Variants in ANKLE2 observed in about 807,000 individuals in gnomAD.
The protein encoded by ANKLE2 is ankyrin repeat and LEM domain-containing protein 2.
In ANKLE2, 55 loss-of-function variants were observed where a neutral mutation model predicts 84.2. That is an observed-to-expected ratio of 0.65 (90% CI 0.53 to 0.82). The LOEUF (loss-of-function observed/expected upper bound fraction) is 0.82. Among genes scored for constraint, ANKLE2 ranks in the 40% least tolerant of loss-of-function variants. The pLI is 0.00. For missense variants in ANKLE2, 1,238 were observed against 1,201.9 expected, an observed-to-expected ratio of 1.03 and a Z score of -0.44; for synonymous variants, 551 against 486.1, an observed-to-expected ratio of 1.13 and a Z score of -1.76.
Position 132,750,867 on chromosome 12 carries a change from C to G in ANKLE2, c.641-18G>C, listed in dbSNP as rs761689972. 6.2e-7 allele frequency: 1 copy of G among 1,609,838 alleles called. No homozygotes were observed. Among genetic ancestry groups the G allele is most frequent in the Non-Finnish European group, 8.5e-7 (1 of 1,177,280 alleles). On this transcript the variant is annotated intron_variant, in intron 2 of 12. Transcript: ENST00000357997. Reference sequence around the variant, plus strand: ...GATCCTTTCTGGGTAAGAAAAGTAACAAATGAAAATCAGAGAAGAGTGACT... The same window carrying G: ...GATCCTTTCTGGGTAAGAAAAGTAAGAAATGAAAATCAGAGAAGAGTGACT...
In ANKLE2 at chr12:132,730,033, G is replaced by A; in HGVS notation, c.2129C>T (p.Thr710Ile). The A allele has an allele frequency of 1.2e-6, 2 of 1,613,204 alleles. No homozygotes were observed. Among genetic ancestry groups the A allele is most frequent in the African/African-American group, 2.7e-5 (2 of 75,014 alleles). The change falls in exon 11 of 13, where the codon ACC becomes ATC. Residue 710 changes from threonine (T) to isoleucine (I), a missense_variant. By Grantham distance (89) the Thr-to-Ile change is moderately conservative (BLOSUM62 -1). Transcript: ENST00000357997. Reference protein sequence around the residue: ...GLCHPLNHSRTLAGKRPKAPR... With the variant: ...GLCHPLNHSRILAGKRPKAPR... ...GGCCTTTGGTCTCTTGCCCGCCAGG[G>A]TCCTGCTGTGATTCAGAGGATGGCA...
chr12:132,754,766 G>C lies in ANKLE2; in HGVS notation c.549C>G (p.Thr183=), dbSNP rs562657982. ...CAGTCGCTCCAGCTCTGTAGGTGTC[G>C]GTGTCACTAGGGGGCACCGAGCAGG... ...SKTCSVPPSD[T]DTYRAGATAS... is the part of the protein sequence containing the mutation. The change falls in exon 2 of 13, where the codon ACC becomes ACG. Residue 183 remains threonine (T), a synonymous_variant. Coordinates refer to ENST00000357997, the MANE Select transcript of ANKLE2 (RefSeq NM_015114.3). 1 of 1,613,984 alleles carries C rather than the reference G, an allele frequency of 6.2e-7. No individual in the cohort carries two copies. The highest frequency in any genetic ancestry group is 1.3e-5 in the African/African-American group (1 of 74,894).
rs1193756243 is a variant in ANKLE2, at chr12:132,754,661, C to G, written c.640+14G>C. 15 of 1,585,060 alleles carry G rather than the reference C, an allele frequency of 9.5e-6. No individual in the cohort carries two copies. Among genetic ancestry groups the G allele is most frequent in the Middle Eastern group, 3.6e-4 (2 of 5,494 alleles). On this transcript the variant is annotated intron_variant, in intron 2 of 12. Transcript: ENST00000357997. Reference sequence around the variant, plus strand: ...GCTATCTGTGTGAGGAAATCCTACACACGGTCCCATTACCATTTCTCGCTG... The same window carrying G: ...GCTATCTGTGTGAGGAAATCCTACAGACGGTCCCATTACCATTTCTCGCTG...
At chr12:132,751,159 T>TAA (rs141498622) in intron 2 of ANKLE2, 1,098 of 186,260 alleles carry the variant, frequency 5.9e-3, no homozygotes, top group Middle Eastern at 0.01. Flanking sequence ...AAAGGCAAAT[T>TAA]AAAAAAAAAA....
At chr12:132,746,134 G>A (rs1056521072) in intron 5 of ANKLE2, among the ~76,000 whole-genome samples, 1 of 152,148 alleles carries the variant, frequency 6.6e-6, no homozygotes, top group Non-Finnish European at 1.5e-5. Flanking sequence ...CGATCACGAG[G>A]TCAGGAGATG....
In ANKLE2 at chr12:132,726,089, A is replaced by G. The variant is rs961222489; in HGVS notation, c.*1153T>C. The G allele has an allele frequency of 2.0e-5, 3 of 152,394 alleles. No individual in the cohort carries two copies. The highest frequency in any genetic ancestry group is 7.2e-5 in the African/African-American group (3 of 41,476). The allele number at this position is 152,394 out of a possible 1,614,324, so 9.4% of individuals were successfully genotyped here. On this transcript the variant is annotated 3_prime_UTR_variant, in exon 13 of 13. Transcript: ENST00000357997. ...AATTTAAAAATGATTTATAAAAGGC[A>G]CTGAAGTTAGCAAAAGCATTGGTGG...
intron 1 of ANKLE2, chr12:132,756,639 T>C (rs2044490564): frequency 6.6e-6 from 1 of 152,108 alleles, no homozygotes; most frequent in Non-Finnish European, 1.5e-5. Flanking sequence ...CATACTCAAA[T>C]AAGTAAAGCC....
rs1369772812 is a variant in ANKLE2, at chr12:132,761,723, T to G, written c.76A>C (p.Ile26Leu). The G allele has an allele frequency of 1.5e-6, 2 of 1,334,130 alleles. No homozygotes were observed. The highest frequency in any genetic ancestry group is 3.0e-5 in the African/African-American group (2 of 65,622). The allele number at this position is 1,334,130 out of a possible 1,614,324, so 82.6% of individuals were successfully genotyped here. The change falls in exon 1 of 13, where the codon ATC (isoleucine) becomes CTC (leucine). Residue 26 changes from isoleucine (I) to leucine (L), a missense_variant. Physicochemically the swap from Ile to Leu is conservative, Grantham distance 5. Coordinates refer to ENST00000357997, the MANE Select transcript of ANKLE2 (RefSeq NM_015114.3). The part of the protein sequence containing the change: ...WELLGASVLL[I>L]AVRWLVRRLG... The stretch of plus-strand genomic sequence containing the variant: ...CGCCGCACCAGCCACCGCACAGCGA[T>G]CAGCAGCACCGAGGCGCCCAGCAGC...
At chr12:132,747,808 C>A (rs773002753) in intron 5 of ANKLE2, 24 bp downstream of exon 5, 2 of 1,571,050 alleles carry the variant, frequency 1.3e-6, no homozygotes, top group South Asian at 1.2e-5. Context: ...ATAAAGAAAG[C>A]GTGAGTGGAG....
Position 132,750,563 on chromosome 12 carries a change from A to G in ANKLE2, c.847+80T>C. The stretch of plus-strand genomic sequence containing the variant: ...ACCCTCATGGAGAAAACAAGTTACC[A>G]CATCAGAGGAAAGAAGGCACAAAAC... On this transcript the variant is annotated intron_variant, in intron 3 of 12. Transcript: ENST00000357997. The G allele has an allele frequency of 3.4e-6, 5 of 1,487,658 alleles. No homozygotes were observed. The South Asian group carries it at 3.6e-5, about 11-fold the overall frequency. 92.2% of individuals were successfully genotyped at this position (1,487,658 alleles called of 1,614,324 possible).
At chr12:132,752,672 A>G (rs888194975) in intron 2 of ANKLE2, among the ~76,000 whole-genome samples, 1 of 151,932 alleles carries the variant, frequency 6.6e-6, no homozygotes, top group Admixed American at 6.5e-5. Flanking sequence ...CCCGGCCCCT[A>G]CGTATTCTTT....
At chr12:132,749,511 G>A (rs2044311831) in intron 3 of ANKLE2, among the ~76,000 whole-genome samples, 1 of 152,204 alleles carries the variant, frequency 6.6e-6, no homozygotes, top group Admixed American at 6.5e-5. Flanking sequence ...TTGCAAAGAA[G>A]GAAATCCGTA....
At chr12:132,753,105 T>G (rs1054423872) in intron 2 of ANKLE2, among the ~76,000 whole-genome samples, 1 of 150,804 alleles carries the variant, frequency 6.6e-6, no homozygotes, top group African/African-American at 2.4e-5. Flanking sequence ...AGCCCAGGAG[T>G]TGGGAGACCA....
chr12:132,725,920 T>C lies in ANKLE2; in HGVS notation c.*1322A>G, dbSNP rs1002628171. ...TCGAATTTTAACATTTAAATCTTGA[T>C]TCCAATATTCCTGACCTATCTCTTG... On this transcript the variant is annotated 3_prime_UTR_variant, in exon 13 of 13. Transcript: ENST00000357997. 4 of 152,348 alleles carry C rather than the reference T, an allele frequency of 2.6e-5. No individual in the cohort carries two copies. Among genetic ancestry groups the C allele is most frequent in the Non-Finnish European group, 4.4e-5 (3 of 68,022 alleles). 9.4% of individuals were successfully genotyped at this position (152,348 alleles called of 1,614,324 possible). A position where few individuals can be genotyped will look rare whatever the true frequency, so the allele number is the denominator to read the frequency against.
At position 132,730,233 on chromosome 12, in the gene ANKLE2, T is replaced by C; in HGVS notation, c.1929A>G (p.Glu643=). 6.3e-7 allele frequency: 1 copy of C among 1,581,364 alleles called. No individual in the cohort carries two copies. The highest frequency in any genetic ancestry group is 8.6e-7 in the Non-Finnish European group (1 of 1,161,536). Residue 643 remains glutamate, a synonymous_variant, in exon 11 of 13, where the codon GAA becomes GAG. Transcript: ENST00000357997. Reference sequence around the variant, plus strand: ...TTATTTCTTCCAAGCTCATGTCATCTTCATCTAGAAACGCCCTCACGGAAA... The same window carrying C: ...TTATTTCTTCCAAGCTCATGTCATCCTCATCTAGAAACGCCCTCACGGAAA... ...NSISVRAFLD[E]DDMSLEEIKN...
At chr12:132,744,870 CG>C (rs1355988340) in intron 5 of ANKLE2, among the ~76,000 whole-genome samples, 1 of 152,132 alleles carries the variant, frequency 6.6e-6, no homozygotes, top group Non-Finnish European at 1.5e-5. Context: ...TTAGTAGAGA[CG>C]GGGTTTCACC....
At chr12:132,754,562 G>A in intron 2 of ANKLE2, 113 bp downstream of exon 2, 1 of 1,008,310 alleles carries the variant, frequency 9.9e-7, no homozygotes. Flanking sequence ...TGATGAGATG[G>A]AGGGGATTGG....
Position 132,743,380 on chromosome 12 carries a change from T to TA in ANKLE2, c.1231-105_1231-104insT. 1 of 1,395,124 alleles carries TA rather than the reference T, an allele frequency of 7.2e-7. No homozygotes were observed. The highest frequency in any genetic ancestry group is 9.5e-7 in the Non-Finnish European group (1 of 1,053,834). 86.4% of individuals were successfully genotyped at this position (1,395,124 alleles called of 1,614,324 possible). A position where few individuals can be genotyped will look rare whatever the true frequency, so the allele number is the denominator to read the frequency against. ...TCATTCATTCATTCATTTATTTATT[T>TA]TGAGACGGAGTCTCACTGGCGTGAT... On this transcript the variant is annotated intron_variant, in intron 5 of 12. Coordinates refer to ENST00000357997, the MANE Select transcript of ANKLE2 (RefSeq NM_015114.3). The surrounding 1 kb of genome is among the most constrained non-coding windows in gnomAD (Gnocchi z 4.1).
chr12:132,740,030 A>G (rs1318367334), intron 7 of ANKLE2, among the ~76,000 whole-genome samples: 1 of 152,212 alleles, frequency 6.6e-6, no homozygotes, highest in East Asian at 1.9e-4. Flanking sequence ...CTTCCTAAAT[A>G]CCATCACAAA....
Sources: gnomAD v4.1 joint callset for allele counts (sites outside exome capture counted in the v4.1 genomes callset) on GRCh38, gnomAD v4.1.1 for gene constraint, Gnocchi (gnomAD v3.1) non-coding constraint, MANE v1.5 for transcripts, NCBI Gene and HGNC (gene_info 2026-07-23, HGNC 2026-07-21) for gene names.